Variants in SHC4 observed in about 807,000 individuals in gnomAD.
SHC4 encodes the protein SHC-transforming protein 4.
Under a neutral mutation model 69.4 loss-of-function variants are expected in SHC4, and 41 were observed. The observed-to-expected ratio is 0.59, with a 90% CI of 0.46 to 0.77. SHC4 has a LOEUF of 0.77. Ranked by LOEUF, SHC4 falls within the 30% of genes least tolerant of loss-of-function variation. The probability of loss-of-function intolerance (pLI) is 0.00; values close to 1 mark genes in which losing one functional copy is unlikely to be tolerated. For synonymous variants in SHC4, 318 were observed against 299.3 expected (o/e 1.06, Z -0.64); for missense variants, 777 against 783.8 (o/e 0.99, Z 0.10).
chr15:48,949,100 G>A (rs979251878), intron 1 of SHC4, among the ~76,000 whole-genome samples: 19 of 151,420 alleles, frequency 1.3e-4, no homozygotes, highest in Admixed American at 1.1e-3. Context: ...GGCCAGGCGC[G>A]GTGGCTCACG....
intron 10 of SHC4, 149 bp from the exon 11 acceptor site, chr15:48,835,171 T>G: frequency 9.4e-7 from 1 of 1,068,018 alleles, no homozygotes; most frequent in Non-Finnish European, 1.3e-6. Flanking sequence ...ATGAGGTTTT[T>G]GTTTTCAGAA....
chr15:48,867,058 C>T lies in SHC4; in HGVS notation c.946+760G>A, dbSNP rs571984238. 3.3e-5 allele frequency among the ~76,000 whole-genome samples: 5 copies of T among 152,182 alleles called. No individual in the cohort carries two copies. In the South Asian group the frequency reaches 6.2e-4, roughly 19 times the overall value. On this transcript the variant is annotated intron_variant, in intron 6 of 11. Coordinates refer to ENST00000332408, the MANE Select transcript of SHC4 (RefSeq NM_203349.4). ...CATGGTGAGTGCTAGGGAACAACAG[C>T]GAGTAAGAGAAACAGGTTCCTGCCC...
chr15:48,874,391 G>A (rs1899753574), intron 4 of SHC4, among the ~76,000 whole-genome samples: 2 of 152,156 alleles, frequency 1.3e-5, no homozygotes, highest in African/African-American at 4.8e-5. Context: ...ACCAGTCCGT[G>A]GCCTGTTAGG....
intron 1 of SHC4, among the ~76,000 whole-genome samples, chr15:48,958,190 C>T (rs1354291882): frequency 6.6e-6 from 1 of 152,224 alleles, no homozygotes; most frequent in Non-Finnish European, 1.5e-5. Flanking sequence ...AGACTGAAAT[C>T]ATGCAAATGC....
At chr15:48,960,685 C>G (rs993733864) in intron 1 of SHC4, among the ~76,000 whole-genome samples, 1 of 152,166 alleles carries the variant, frequency 6.6e-6, no homozygotes, top group Non-Finnish European at 1.5e-5. Context: ...GGCTAGCTCT[C>G]TATACCTTCA....
intron 9 of SHC4, among the ~76,000 whole-genome samples, chr15:48,850,366 A>C (rs1423544587): frequency 1.3e-5 from 2 of 152,144 alleles, no homozygotes; most frequent in Non-Finnish European, 1.5e-5. Flanking sequence ...AAAAAATAAT[A>C]AAATTAATAT....
In SHC4 at chr15:48,919,295, A is replaced by ATTTTTTTTTTTTTTTTTTTTTTTTTTT. The variant is rs386382928; in HGVS notation, c.656+5583_656+5584insAAAAAAAAAAAAAAAAAAAAAAAAAAA. The stretch of plus-strand genomic sequence containing the variant: ...CTCACACTCTTAAAAATTTATTTTA[A>ATTTTTTTTTTTTTTTTTTTTTTTTTTT]TTTTTTTTTTTTTTTTTTTTGTAGA... On this transcript the variant is annotated intron_variant, in intron 2 of 11. Coordinates refer to ENST00000332408, the MANE Select transcript of SHC4 (RefSeq NM_203349.4). 7.6e-3 allele frequency among the ~76,000 whole-genome samples: 539 copies of ATTTTTTTTTTTTTTTTTTTTTTTTTTT among 71,226 alleles called. 109 individuals carry two copies. Among genetic ancestry groups the ATTTTTTTTTTTTTTTTTTTTTTTTTTT allele is most frequent in the Non-Finnish European group, 9.8e-3 (373 of 38,074 alleles). 46.7% of individuals were successfully genotyped at this position (71,226 alleles called of 152,430 possible).
intron 2 of SHC4, among the ~76,000 whole-genome samples, chr15:48,904,689 G>A (rs1438817420): frequency 1.3e-5 from 2 of 152,088 alleles, no homozygotes; most frequent in East Asian, 3.8e-4. Context: ...ACCAGCCTGG[G>A]CAATATAGCA....
chr15:48,878,216 A>G, intron 4 of SHC4: 1 of 1,598,864 alleles, frequency 6.3e-7, no homozygotes, highest in East Asian at 2.2e-5. Flanking sequence ...GTATGAAGAG[A>G]GCAGTGACCT....
At chr15:48,899,710 G>C (rs541935876) in intron 2 of SHC4, among the ~76,000 whole-genome samples, 1 of 152,190 alleles carries the variant, frequency 6.6e-6, no homozygotes, top group East Asian at 1.9e-4. Context: ...GGCCTACCAA[G>C]TTAATCCACC....
chr15:48,900,272 G>A (rs902685841), intron 2 of SHC4, among the ~76,000 whole-genome samples: 2 of 152,016 alleles, frequency 1.3e-5, no homozygotes, highest in African/African-American at 4.8e-5. Context: ...CTTTGGAAGG[G>A]CTAGGTGGGA....
At chr15:48,954,485 T>G (rs971980972) in intron 1 of SHC4, among the ~76,000 whole-genome samples, 4 of 152,230 alleles carry the variant, frequency 2.6e-5, no homozygotes, top group African/African-American at 9.6e-5. Context: ...CAGGTGGTCC[T>G]CAGCAAACTT....
At chr15:48,904,731 A>ATGTAATTAG (rs1463599030) in intron 2 of SHC4, among the ~76,000 whole-genome samples, 1 of 151,934 alleles carries the variant, frequency 6.6e-6, no homozygotes, top group East Asian at 1.9e-4. Flanking sequence ...ACACAAAAAA[A>ATGTAATTAG]TGTAATTAGC....
intron 10 of SHC4, among the ~76,000 whole-genome samples, chr15:48,836,023 CAAAAAAAAAAAA>C (rs57343981): frequency 1.7e-5 from 1 of 60,140 alleles, no homozygotes; most frequent in African/African-American, 7.3e-5. Context: ...ACAAAAAATC[CAAAAAAAAAAAA>C]AAAAAAAAAA....
chr15:48,861,080 C>G (rs1173713924), intron 6 of SHC4, among the ~76,000 whole-genome samples: 1 of 152,198 alleles, frequency 6.6e-6, no homozygotes. Context: ...TAGGCTGATG[C>G]TATCAACATA....
At chr15:48,902,909 T>C (rs1198265748) in intron 2 of SHC4, among the ~76,000 whole-genome samples, 1 of 152,178 alleles carries the variant, frequency 6.6e-6, no homozygotes. Context: ...ATATCCAGCC[T>C]GAGACGTGCT....
In SHC4 at chr15:48,962,763, T is replaced by C. The variant is rs745770604; in HGVS notation, c.253A>G (p.Thr85Ala). Reference sequence around the variant, plus strand: ...ATGCTTGCCATGCGGGGGATCAAGGTGCACAGTGGGGTGGGGCTCTCCTGC... The same window carrying C: ...ATGCTTGCCATGCGGGGGATCAAGGCGCACAGTGGGGTGGGGCTCTCCTGC... Reference protein sequence around the residue: ...PSQESPTPLCTLIPRMASMKL... With the variant: ...PSQESPTPLCALIPRMASMKL... Residue 85 changes from threonine to alanine, a missense_variant, in exon 1 of 12, where the codon ACC becomes GCC. Transcript: ENST00000332408. The C allele has an allele frequency of 1.2e-6, 2 of 1,612,624 alleles. No homozygotes were observed. Among genetic ancestry groups the C allele is most frequent in the Admixed American group, 1.7e-5 (1 of 59,990 alleles).
At chr15:48,876,420 C>A (rs771704352) in intron 4 of SHC4, 12 of 374,962 alleles carry the variant, frequency 3.2e-5, no homozygotes, top group Non-Finnish European at 5.2e-5. Context: ...TCTCTAGAAG[C>A]ACAGAACTAA....
chr15:48,943,757 A>G (rs1901220425), intron 1 of SHC4, among the ~76,000 whole-genome samples: 1 of 151,888 alleles, frequency 6.6e-6, no homozygotes, highest in Non-Finnish European at 1.5e-5. Flanking sequence ...ACCTTCACTT[A>G]TTGTCTCTTG....
Sources: gnomAD v4.1 joint callset for allele counts (sites outside exome capture counted in the v4.1 genomes callset) on GRCh38, gnomAD v4.1.1 for gene constraint, MANE v1.5 for transcripts, NCBI Gene and HGNC (gene_info 2026-07-23, HGNC 2026-07-21) for gene names.